The following LAPTM4B variants were observed in gnomAD, a reference collection of about 807,000 sequenced individuals.
The protein encoded by LAPTM4B is lysosomal protein transmembrane 4 beta.
Under a neutral mutation model 28.5 loss-of-function variants are expected in LAPTM4B, and 26 were observed. That is an observed-to-expected ratio of 0.91 (90% CI 0.67 to 1.27). The LOEUF is 1.27. LAPTM4B is among the 50% of genes most tolerant of loss of function. The pLI is 0.00. For missense variants in LAPTM4B, 288 were observed against 285.8 expected (o/e 1.01, Z -0.06); for synonymous variants, 109 against 106.4 (o/e 1.02, Z -0.15).
chr8:97,784,940 T>C (rs996551421), intron 1 of LAPTM4B, among the ~76,000 whole-genome samples: 4 of 152,184 alleles, frequency 2.6e-5, no homozygotes, highest in Admixed American at 2.6e-4. Context: ...TCCATCTGAT[T>C]TAAGGAATTG....
intron 6 of LAPTM4B, among the ~76,000 whole-genome samples, chr8:97,833,201 G>T (rs1269250908): frequency 1.3e-5 from 2 of 151,876 alleles, no homozygotes; most frequent in Admixed American, 6.5e-5. Flanking sequence ...GGGCGTGGTG[G>T]CACATGCCTG....
intron 6 of LAPTM4B, among the ~76,000 whole-genome samples, chr8:97,838,971 C>T (rs1310425009): frequency 1.3e-5 from 2 of 152,182 alleles, no homozygotes; most frequent in African/African-American, 4.8e-5. Flanking sequence ...CCAGTCCCTG[C>T]ATTCTCCCGA....
At chr8:97,839,516 C>T (rs776123505) in intron 6 of LAPTM4B, among the ~76,000 whole-genome samples, 2 of 152,126 alleles carry the variant, frequency 1.3e-5, no homozygotes, top group East Asian at 1.9e-4. Context: ...TTTTAAATGT[C>T]CCGGTCTGCT....
In LAPTM4B at chr8:97,799,241, G is replaced by T. The variant is rs548522883; in HGVS notation, c.100-6112G>T. ...TTACTTCTTAGCCAGACTATTGTAGGTGTTTCCAGGGTCAAAGGAGAAAAA... is the reference window on the plus strand; with the variant it reads ...TTACTTCTTAGCCAGACTATTGTAGTTGTTTCCAGGGTCAAAGGAGAAAAA... On this transcript the variant is annotated intron_variant, in intron 1 of 6. Transcript: ENST00000521545. 3.3e-5 allele frequency among the ~76,000 whole-genome samples: 5 copies of T among 152,294 alleles called. 1 individual carries two copies. The South Asian group carries it at 8.3e-4, about 25-fold the overall frequency.
chr8:97,809,256 G>A (rs1411274199), intron 2 of LAPTM4B, among the ~76,000 whole-genome samples: 5 of 152,120 alleles, frequency 3.3e-5, no homozygotes, highest in African/African-American at 1.2e-4. Flanking sequence ...TCCTAACCTC[G>A]ATTGCCTTAG....
At chr8:97,843,928 A>C (rs1037183343) in intron 6 of LAPTM4B, among the ~76,000 whole-genome samples, 1 of 152,138 alleles carries the variant, frequency 6.6e-6, no homozygotes, top group Non-Finnish European at 1.5e-5. Flanking sequence ...ATAAATTCCT[A>C]TTTTAGTTTA....
At chr8:97,816,293 G>A in intron 4 of LAPTM4B, 113 bp downstream of exon 4, 2 of 1,066,172 alleles carry the variant, frequency 1.9e-6, no homozygotes, top group Non-Finnish European at 2.7e-6. Flanking sequence ...TTAGCTTGCA[G>A]CTGAGTTACT....
In LAPTM4B at chr8:97,776,114, C is replaced by G. The variant is rs569186515; in HGVS notation, c.99+6C>G. 1.2e-5 allele frequency: 19 copies of G among 1,567,036 alleles called. No homozygotes were observed. In the South Asian group the frequency reaches 2.2e-4, roughly 18 times the overall value. On this transcript the variant is annotated splice_donor_region_variant and intron_variant, in intron 1 of 6. Coordinates refer to ENST00000521545, the MANE Select transcript of LAPTM4B (RefSeq NM_018407.6). The stretch of plus-strand genomic sequence containing the variant: ...TGCTCGGCGTCTGGTATCTGGTGAG[C>G]GCGGCGCGCCCGGCCCGGGACCCTG...
At chr8:97,779,753 T>TAAAA (rs750177675) in intron 1 of LAPTM4B, among the ~76,000 whole-genome samples, 1 of 115,314 alleles carries the variant, frequency 8.7e-6, no homozygotes, top group Non-Finnish European at 1.8e-5. Context: ...GACTCTTATC[T>TAAAA]AAAAAAAAAA....
At chr8:97,801,385 T>C (rs1305899262) in intron 1 of LAPTM4B, among the ~76,000 whole-genome samples, 2 of 152,080 alleles carry the variant, frequency 1.3e-5, no homozygotes, top group Non-Finnish European at 2.9e-5. Context: ...TTTCACCACG[T>C]TGGCCAAACT....
At chr8:97,817,529 C>T (rs1816939662) in intron 4 of LAPTM4B, among the ~76,000 whole-genome samples, 1 of 147,578 alleles carries the variant, frequency 6.8e-6, no homozygotes, top group Non-Finnish European at 1.5e-5. Flanking sequence ...CTCACTGCAA[C>T]CTCCGCCTCC....
intron 1 of LAPTM4B, chr8:97,788,160 G>C (rs2513947): frequency 1 from 164,348 of 165,052 alleles, 81,830 homozygotes; most frequent in Middle Eastern, 1. Context: ...GGAAGATGGT[G>C]ATGGCCTTGA....
At chr8:97,823,731 T>A (rs1395586624) in intron 5 of LAPTM4B, among the ~76,000 whole-genome samples, 1 of 148,852 alleles carries the variant, frequency 6.7e-6, no homozygotes, top group Non-Finnish European at 1.5e-5. Context: ...GGAGTCTCGC[T>A]CTGTCACCCA....
chr8:97,832,898 G>A lies in LAPTM4B; in HGVS notation c.603+7745G>A, dbSNP rs1817204856. 3.3e-5 allele frequency among the ~76,000 whole-genome samples: 5 copies of A among 149,502 alleles called. No homozygotes were observed. The South Asian group carries it at 8.4e-4, about 25-fold the overall frequency. ...ATTTTTTGTTTTTAGTAGCAAAGGGGTTTCACCATGTTGGCCAGGCTGGTC... is the reference window on the plus strand; with the variant it reads ...ATTTTTTGTTTTTAGTAGCAAAGGGATTTCACCATGTTGGCCAGGCTGGTC... On this transcript the variant is annotated intron_variant, in intron 6 of 6. Coordinates refer to ENST00000521545, the MANE Select transcript of LAPTM4B (RefSeq NM_018407.6).
intron 1 of LAPTM4B, among the ~76,000 whole-genome samples, chr8:97,788,005 T>G (rs1816434112): frequency 6.6e-6 from 1 of 152,126 alleles, no homozygotes; most frequent in Admixed American, 6.5e-5. Flanking sequence ...AGCTAATTTT[T>G]GTATTTCTTT....
At chr8:97,818,531 G>A (rs1442158266) in intron 4 of LAPTM4B, among the ~76,000 whole-genome samples, 1 of 152,162 alleles carries the variant, frequency 6.6e-6, no homozygotes, top group Non-Finnish European at 1.5e-5. Flanking sequence ...TGACCTGGTT[G>A]TTAAGCATTG....
At chr8:97,817,432 C>T (rs1816937208) in intron 4 of LAPTM4B, among the ~76,000 whole-genome samples, 1 of 145,630 alleles carries the variant, frequency 6.9e-6, no homozygotes, top group Non-Finnish European at 1.5e-5. Context: ...CTCACTGTAC[C>T]AGGCCAACTT....
intron 1 of LAPTM4B, among the ~76,000 whole-genome samples, chr8:97,790,426 C>G (rs1816480615): frequency 1.3e-5 from 2 of 151,858 alleles, no homozygotes; most frequent in African/African-American, 4.8e-5. Context: ...ATTCTCCTGC[C>G]TCAGCTTCCT....
intron 4 of LAPTM4B, among the ~76,000 whole-genome samples, chr8:97,818,322 C>G (rs1343784759): frequency 6.6e-6 from 1 of 150,854 alleles, no homozygotes; most frequent in Non-Finnish European, 1.5e-5. Context: ...GAATATTGCT[C>G]GTGAGGAATC....
Sources: allele counts gnomAD v4.1 joint callset (sites outside exome capture counted in the v4.1 genomes callset), GRCh38; gene constraint gnomAD v4.1.1; transcripts MANE v1.5; gene names NCBI Gene and HGNC (gene_info 2026-07-23, HGNC 2026-07-21).